Variants in GCNT4 observed in about 807,000 individuals in gnomAD.
The protein encoded by GCNT4 is beta-1,3-galactosyl-O-glycosyl-glycoprotein beta-1,6-N-acetylglucosaminyltransferase 4.
In GCNT4, 17 loss-of-function variants were observed where a neutral mutation model predicts 31.3. The ratio of observed to expected loss-of-function variants is 0.54; its 90% confidence interval spans 0.37 to 0.81. The LOEUF (loss-of-function observed/expected upper bound fraction) is 0.81, where lower values mean the gene tolerates loss of function less well. Among genes scored for constraint, GCNT4 ranks in the 40% least tolerant of loss-of-function variants. The pLI, the probability that GCNT4 is intolerant of heterozygous loss-of-function variation, is 0.00. For missense variants in GCNT4, 503 were observed against 525.5 expected (o/e 0.96, Z 0.42); for synonymous variants, 158 against 190.6 (o/e 0.83, Z 1.41).
At chr5:75,054,019 C>T (rs1240644256), upstream of GCNT4, among the ~76,000 whole-genome samples, 6 of 151,988 alleles carry the variant, frequency 3.9e-5, no homozygotes, top group Admixed American at 3.9e-4. Flanking sequence ...AATCGCCCAA[C>T]CAGACAGAAG....
intron 2 of GCNT4, among the ~76,000 whole-genome samples, chr5:75,051,931 A>ATC (rs1743579923): frequency 6.6e-6 from 1 of 152,182 alleles, no homozygotes; most frequent in African/African-American, 2.4e-5. Context: ...TAAATCAACA[A>ATC]CACATCTTAA....
At chr5:75,038,680 C>A (rs1462240929) in intron 3 of GCNT4, among the ~76,000 whole-genome samples, 1 of 152,150 alleles carries the variant, frequency 6.6e-6, no homozygotes, top group Non-Finnish European at 1.5e-5. Flanking sequence ...ATGAGCTCCC[C>A]CAAAACATCT....
chr5:75,049,893 A>T (rs1254738592), intron 2 of GCNT4, among the ~76,000 whole-genome samples: 1 of 152,364 alleles, frequency 6.6e-6, no homozygotes, highest in East Asian at 1.9e-4. Flanking sequence ...ACAACCAGAA[A>T]TGATAGAAAT....
chr5:75,054,043 A>T (rs1218273013), upstream of GCNT4, among the ~76,000 whole-genome samples: 7 of 148,134 alleles, frequency 4.7e-5, no homozygotes, highest in East Asian at 1.0e-3. Context: ...GCTCGCTCTC[A>T]TGGGTGAGAC....
the GCNT4 span, among the ~76,000 whole-genome samples, chr5:75,019,086 T>C: frequency 6.6e-6 from 1 of 152,186 alleles, no homozygotes; most frequent in East Asian, 1.9e-4. Flanking sequence ...ATTCGTATGT[T>C]GAAATCCTAA....
intron 3 of GCNT4, 160 bp from the exon 4 acceptor site, chr5:75,030,198 TG>T: frequency 1.5e-6 from 1 of 664,528 alleles, no homozygotes; most frequent in Non-Finnish European, 2.6e-6. Flanking sequence ...AATAAGGAAA[TG>T]GAATTATGAA....
chr5:75,019,587 C>T, the GCNT4 span, among the ~76,000 whole-genome samples: 2 of 152,186 alleles, frequency 1.3e-5, no homozygotes, highest in African/African-American at 4.8e-5. Context: ...ATCTGTTGGC[C>T]TCCCTGGGGC....
At chr5:75,018,650 G>A in the GCNT4 span, among the ~76,000 whole-genome samples, 4 of 152,128 alleles carry the variant, frequency 2.6e-5, no homozygotes, top group Non-Finnish European at 5.9e-5. Context: ...GAAGGGGATT[G>A]AACTCTTCAG....
chr5:75,048,223 C>T (rs1337164384), intron 2 of GCNT4, among the ~76,000 whole-genome samples, 186 bp from the exon 3 acceptor site: 1 of 152,082 alleles, frequency 6.6e-6, no homozygotes, highest in African/African-American at 2.4e-5. Flanking sequence ...ATTATTAACC[C>T]CTCAACCAGG....
At chr5:75,041,216 C>A (rs1008009561) in intron 3 of GCNT4, among the ~76,000 whole-genome samples, 6 of 152,272 alleles carry the variant, frequency 3.9e-5, no homozygotes, top group Non-Finnish European at 8.8e-5. Context: ...CAAAGCAGTA[C>A]TGAAGATTCT....
chr5:75,023,237 T>C (rs1298527314), downstream of GCNT4, among the ~76,000 whole-genome samples: 2 of 152,332 alleles, frequency 1.3e-5, no homozygotes, highest in Admixed American at 1.3e-4. Context: ...AACTACTTCC[T>C]TGTTTTAGGC....
intron 3 of GCNT4, among the ~76,000 whole-genome samples, chr5:75,044,955 A>C (rs990445580): frequency 6.6e-6 from 1 of 152,242 alleles, no homozygotes; most frequent in African/African-American, 2.4e-5. Flanking sequence ...CAGGCAACAC[A>C]GTTTTAGTAG....
At chr5:75,021,913 G>A (rs1423822220), downstream of GCNT4, among the ~76,000 whole-genome samples, 1 of 152,000 alleles carries the variant, frequency 6.6e-6, no homozygotes, top group Non-Finnish European at 1.5e-5. Flanking sequence ...ATCCCCTCAT[G>A]TTGCCTGTAA....
chr5:75,035,450 A>G (rs1580239401), intron 3 of GCNT4, among the ~76,000 whole-genome samples: 1 of 152,216 alleles, frequency 6.6e-6, no homozygotes, highest in African/African-American at 2.4e-5. Flanking sequence ...AGAGAGGAAG[A>G]AAGGAGCTGC....
At chr5:75,039,626 C>T (rs1212928010) in intron 3 of GCNT4, among the ~76,000 whole-genome samples, 4 of 152,166 alleles carry the variant, frequency 2.6e-5, no homozygotes, top group African/African-American at 4.8e-5. Context: ...AACCACAATT[C>T]GAGACTGCCT....
intron 3 of GCNT4, among the ~76,000 whole-genome samples, chr5:75,031,297 C>G (rs1202120787): frequency 6.6e-6 from 1 of 152,104 alleles, no homozygotes; most frequent in Non-Finnish European, 1.5e-5. Flanking sequence ...GTCGTGAACA[C>G]CTGGTCTCAA....
chr5:75,032,869 A>AGGGGTG (rs1044403638), intron 3 of GCNT4, among the ~76,000 whole-genome samples: 96 of 78,696 alleles, frequency 1.2e-3, no homozygotes, highest in East Asian at 2.9e-3. Context: ...AATCCCAAAT[A>AGGGGTG]GGGGTGTGTG....
intron 3 of GCNT4, 117 bp downstream of exon 3, chr5:75,047,780 A>G (rs1410123031): frequency 6.6e-6 from 1 of 150,524 alleles, no homozygotes; most frequent in Non-Finnish European, 1.5e-5. Flanking sequence ...CTTAGGTTTT[A>G]GAGCTTGGGG....
At chr5:75,038,419 C>A (rs1473636178) in intron 3 of GCNT4, among the ~76,000 whole-genome samples, 1 of 152,184 alleles carries the variant, frequency 6.6e-6, no homozygotes, top group African/African-American at 2.4e-5. Context: ...CATCTCATTC[C>A]TGGGGTACTG....
Sources: gnomAD v4.1 joint callset for allele counts (sites outside exome capture counted in the v4.1 genomes callset) on GRCh38, gnomAD v4.1.1 for gene constraint, MANE v1.5 for transcripts, NCBI Gene and HGNC (gene_info 2026-07-23, HGNC 2026-07-21) for gene names.